PMFBP1: variants seen among roughly 807,000 people sequenced by gnomAD.
PMFBP1 encodes the protein polyamine-modulated factor 1-binding protein 1.
In PMFBP1, 131 loss-of-function variants were observed where a neutral mutation model predicts 137.8. The observed-to-expected ratio is 0.95, with a 90% CI of 0.82 to 1.10. The LOEUF (loss-of-function observed/expected upper bound fraction) is 1.10, where lower values mean the gene tolerates loss of function less well. Among genes scored for constraint, PMFBP1 ranks in the 50% least tolerant of loss-of-function variants. The pLI, the probability that PMFBP1 is intolerant of heterozygous loss-of-function variation, is 0.00. For missense variants in PMFBP1, 1,199 were observed against 1,175.4 expected (o/e 1.02, Z -0.29); for synonymous variants, 490 against 450.4 (o/e 1.09, Z -1.11).
At position 72,150,120 on chromosome 16, in the gene PMFBP1, T is replaced by C. The variant is rs187791770; in HGVS notation, c.636+488A>G. Among the ~76,000 whole-genome samples, 170 of 152,316 alleles carry C rather than the reference T, an allele frequency of 1.1e-3. 1 individual carries two copies. Among genetic ancestry groups the C allele is most frequent in the Non-Finnish European group, 4.9e-4 (33 of 68,028 alleles). On this transcript the variant is annotated intron_variant, in intron 5 of 20. Coordinates refer to ENST00000237353, the MANE Select transcript of PMFBP1 (RefSeq NM_031293.3). ...TTTCCCATGTTTCACAGCTTTTTCC[T>C]CCTATTTGATCCTGAAGTTGTGGTT...
chr16:72,166,379 G>C (rs1289953786), intron 2 of PMFBP1, among the ~76,000 whole-genome samples: 9 of 152,160 alleles, frequency 5.9e-5, no homozygotes, highest in Admixed American at 5.9e-4. Flanking sequence ...CGCTATGATT[G>C]TAAGTTTCCT....
intron 2 of PMFBP1, among the ~76,000 whole-genome samples, chr16:72,165,250 C>T (rs2144505501): frequency 6.6e-6 from 1 of 152,260 alleles, no homozygotes; most frequent in Non-Finnish European, 1.5e-5. Context: ...ATTAATGGCT[C>T]TGCCACTGAT....
the PMFBP1 span, among the ~76,000 whole-genome samples, chr16:72,214,802 T>A: frequency 1.7e-4 from 26 of 152,042 alleles, no homozygotes; most frequent in African/African-American, 5.8e-4. Context: ...AGAAATCATA[T>A]CAAAGAACTC....
upstream of PMFBP1, among the ~76,000 whole-genome samples, chr16:72,175,493 G>T (rs2043255508): frequency 6.6e-6 from 1 of 152,100 alleles, no homozygotes. Context: ...TAAGTGCCTG[G>T]GTATATGGTT....
chr16:72,128,458 T>C (rs1384544992), intron 14 of PMFBP1, 199 bp downstream of exon 14: 1 of 1,527,044 alleles, frequency 6.5e-7, no homozygotes, highest in African/African-American at 1.4e-5. Flanking sequence ...GATGAGACCT[T>C]CCACATATGG....
intron 17 of PMFBP1, 127 bp downstream of exon 17, chr16:72,124,640 G>A (rs1371408016): frequency 8.7e-7 from 1 of 1,152,354 alleles, no homozygotes; most frequent in African/African-American, 1.5e-5. Flanking sequence ...GTGCTAAATG[G>A]AGGGGGTGAC....
the PMFBP1 span, among the ~76,000 whole-genome samples, chr16:72,243,664 G>C: frequency 6.6e-6 from 1 of 152,124 alleles, no homozygotes; most frequent in Admixed American, 6.5e-5. Context: ...GATTCAGCAG[G>C]ACTGCCAGTC....
the PMFBP1 span, among the ~76,000 whole-genome samples, chr16:72,207,817 C>T: frequency 6.6e-6 from 1 of 151,528 alleles, no homozygotes; most frequent in Non-Finnish European, 1.5e-5. Flanking sequence ...AATATGAAGG[C>T]TAAGTCCCAA....
chr16:72,217,934 CCCA>C, the PMFBP1 span, among the ~76,000 whole-genome samples: 1 of 152,102 alleles, frequency 6.6e-6, no homozygotes, highest in African/African-American at 2.4e-5. Flanking sequence ...TATAAATATC[CCCA>C]CCATGGTCGA....
chr16:72,247,995 C>T, the PMFBP1 span, among the ~76,000 whole-genome samples: 1 of 152,106 alleles, frequency 6.6e-6, no homozygotes, highest in African/African-American at 2.4e-5. Context: ...TTTTTCCAAC[C>T]AAACATCTGC....
the PMFBP1 span, among the ~76,000 whole-genome samples, chr16:72,201,381 A>T: frequency 6.6e-6 from 1 of 152,250 alleles, no homozygotes; most frequent in Admixed American, 6.5e-5. Context: ...CCACATTTTC[A>T]TCATACATTT....
chr16:72,130,448 C>A, intron 11 of PMFBP1, 85 bp downstream of exon 11: 1 of 1,605,586 alleles, frequency 6.2e-7, no homozygotes, highest in East Asian at 2.2e-5. Context: ...CTTGCTCTCC[C>A]ACGCCTGGGC....
the PMFBP1 span, among the ~76,000 whole-genome samples, chr16:72,210,379 C>T: frequency 2.6e-5 from 4 of 152,206 alleles, no homozygotes; most frequent in Admixed American, 2.0e-4. Flanking sequence ...CTGATCTGTA[C>T]AGCTAATTTT....
intron 3 of PMFBP1, among the ~76,000 whole-genome samples, chr16:72,159,303 C>T (rs892594569): frequency 1.3e-5 from 2 of 152,170 alleles, no homozygotes; most frequent in Non-Finnish European, 2.9e-5. Context: ...GAAATAAATG[C>T]TTTTTTCTAA....
chr16:72,236,943 T>G, the PMFBP1 span, among the ~76,000 whole-genome samples: 1 of 152,230 alleles, frequency 6.6e-6, no homozygotes, highest in African/African-American at 2.4e-5. Flanking sequence ...CCCTTTTATA[T>G]GCAAAATACT....
intron 5 of PMFBP1, among the ~76,000 whole-genome samples, chr16:72,145,616 AATAG>A (rs1424638215): frequency 1.3e-5 from 2 of 152,302 alleles, no homozygotes; most frequent in Middle Eastern, 3.4e-3. Context: ...AGATCAACAA[AATAG>A]ATAGACTGCT....
the PMFBP1 span, among the ~76,000 whole-genome samples, chr16:72,187,585 T>C: frequency 1.3e-5 from 2 of 152,196 alleles, no homozygotes; most frequent in African/African-American, 4.8e-5. Flanking sequence ...CTTTTTCCTA[T>C]AGCGGTTCTT....
upstream of PMFBP1, among the ~76,000 whole-genome samples, chr16:72,176,031 G>A (rs573724261): frequency 4.6e-5 from 7 of 152,286 alleles, no homozygotes; most frequent in East Asian, 7.7e-4. Flanking sequence ...GTAGTGCAGA[G>A]CATAACTGGT....
At chr16:72,214,730 T>C in the PMFBP1 span, among the ~76,000 whole-genome samples, 1 of 152,144 alleles carries the variant, frequency 6.6e-6, no homozygotes, top group African/African-American at 2.4e-5. Context: ...TAATTGACTA[T>C]GTGACAAAAC....
Sources: gnomAD v4.1 joint callset for allele counts (sites outside exome capture counted in the v4.1 genomes callset) on GRCh38, gnomAD v4.1.1 for gene constraint, MANE v1.5 for transcripts, NCBI Gene and HGNC (gene_info 2026-07-23, HGNC 2026-07-21) for gene names.